FER1L6: variants seen among roughly 807,000 people sequenced by gnomAD.
FER1L6 encodes fer-1 like family member 6, also known as fer-1-like protein 6.
In FER1L6, 177 loss-of-function variants were observed where a neutral mutation model predicts 219.2. The observed-to-expected ratio is 0.81, with a 90% CI of 0.71 to 0.91. The LOEUF (loss-of-function observed/expected upper bound fraction) is 0.91, where lower values mean the gene tolerates loss of function less well. Among genes scored for constraint, FER1L6 ranks in the 40% least tolerant of loss-of-function variants. The pLI, the probability that FER1L6 is intolerant of heterozygous loss-of-function variation, is 0.00. For missense variants in FER1L6, 2,153 were observed against 2,259.9 expected, an observed-to-expected ratio of 0.95 and a Z score of 0.96; for synonymous variants, 768 against 824.3, an observed-to-expected ratio of 0.93 and a Z score of 1.17.
At chr8:124,074,096 T>C (rs1024704912) in intron 31 of FER1L6, among the ~76,000 whole-genome samples, 4 of 152,220 alleles carry the variant, frequency 2.6e-5, no homozygotes, top group African/African-American at 9.6e-5. Flanking sequence ...AGTTTCTCCA[T>C]CTTTTTGATA....
intron 1 of FER1L6, among the ~76,000 whole-genome samples, chr8:123,870,003 A>G (rs1816898689): frequency 6.6e-6 from 1 of 152,242 alleles, no homozygotes; most frequent in African/African-American, 2.4e-5. Context: ...ATCTACACAG[A>G]CATTATACAG....
chr8:124,001,060 C>T (rs900347754), intron 12 of FER1L6, among the ~76,000 whole-genome samples: 5 of 152,136 alleles, frequency 3.3e-5, no homozygotes, highest in Non-Finnish European at 7.4e-5. Context: ...CCTAAGAACA[C>T]ATGGTCATAC....
chr8:124,051,460 T>C (rs1820024415), intron 22 of FER1L6, among the ~76,000 whole-genome samples: 1 of 152,196 alleles, frequency 6.6e-6, no homozygotes, highest in Admixed American at 6.5e-5. Context: ...TATGGCCCTG[T>C]GTAAGCTACT....
intron 1 of FER1L6, among the ~76,000 whole-genome samples, chr8:123,935,774 T>A (rs1813962704): frequency 6.6e-6 from 1 of 152,150 alleles, no homozygotes; most frequent in Admixed American, 6.5e-5. Context: ...TTTACTCTGC[T>A]TCATGAGCAA....
chr8:124,097,406 A>C lies in FER1L6; in HGVS notation c.4784+47A>C, dbSNP rs369330438. The C allele has an allele frequency of 3.0e-6, 4 of 1,312,312 alleles. No individual in the cohort carries two copies. The South Asian group carries it at 3.6e-5, about 12-fold the overall frequency. The allele number at this position is 1,312,312 out of a possible 1,614,324, so 81.3% of individuals were successfully genotyped here. ...CTTCAGGGGAAGAGACCAGGGTAGC[A>C]GATGAAAGAATCATGACATTTTATC... is the stretch of plus-strand genomic sequence containing the variant. On this transcript the variant is annotated intron_variant, in intron 36 of 40. Coordinates refer to ENST00000522917, the MANE Select transcript of FER1L6 (RefSeq NM_001039112.2).
intron 15 of FER1L6, chr8:124,013,740 A>G (rs75504911): frequency 0.03 from 10,744 of 356,628 alleles, 1,016 homozygotes; most frequent in African/African-American, 0.21. Flanking sequence ...AATCAAAGGT[A>G]GGAAAAAGCA....
chr8:123,961,880 CTTTT>C (rs1295109025), intron 2 of FER1L6, among the ~76,000 whole-genome samples: 2 of 129,192 alleles, frequency 1.5e-5, no homozygotes, highest in Admixed American at 7.9e-5. Context: ...TGTTTGTTTT[CTTTT>C]TTTTTTTTTT....
intron 1 of FER1L6, among the ~76,000 whole-genome samples, chr8:123,892,278 A>G (rs1398716248): frequency 6.6e-6 from 1 of 152,048 alleles, no homozygotes; most frequent in Non-Finnish European, 1.5e-5. Flanking sequence ...AAAAAAGAGG[A>G]TGGAGGAAAG....
In FER1L6 at chr8:123,986,136, G is replaced by A. The variant is rs1416699856; in HGVS notation, c.1479G>A (p.Arg493=). ...GAFFEATMID[R]KIGDKPISFE... ...TTTTTGAAGCTACCATGATTGACCGGAAGATTGGAGATAAACCCATCAGCT... is the reference window on the plus strand; with the variant it reads ...TTTTTGAAGCTACCATGATTGACCGAAAGATTGGAGATAAACCCATCAGCT... The change falls in exon 12 of 41, where the codon CGG becomes CGA. Residue 493 remains arginine (R), a synonymous_variant. Coordinates refer to ENST00000522917, the MANE Select transcript of FER1L6 (RefSeq NM_001039112.2). 2 of 1,613,388 alleles carry A rather than the reference G, an allele frequency of 1.2e-6. No individual in the cohort carries two copies. Among genetic ancestry groups the A allele is most frequent in the African/African-American group, 2.7e-5 (2 of 74,890 alleles).
intron 1 of FER1L6, among the ~76,000 whole-genome samples, chr8:123,947,259 TATG>T (rs1377432418): frequency 2.5e-4 from 37 of 147,028 alleles, no homozygotes; most frequent in African/African-American, 9.2e-4. Flanking sequence ...AAAAAAAAGG[TATG>T]ATGATGAAGA....
At chr8:123,936,472 T>G (rs868128493) in intron 1 of FER1L6, among the ~76,000 whole-genome samples, 8,185 of 127,858 alleles carry the variant, frequency 0.064, 196 homozygotes, top group African/African-American at 0.097. Context: ...GTTTTTTTTT[T>G]TTTTTTTTTT....
At chr8:123,954,828 A>G (rs1814940925) in intron 1 of FER1L6, among the ~76,000 whole-genome samples, 2 of 152,176 alleles carry the variant, frequency 1.3e-5, no homozygotes, top group African/African-American at 4.8e-5. Context: ...TTCACGTTCA[A>G]GGCCCACAGA....
At chr8:123,964,739 T>C (rs1208604782) in intron 3 of FER1L6, among the ~76,000 whole-genome samples, 2 of 152,154 alleles carry the variant, frequency 1.3e-5, no homozygotes, top group Non-Finnish European at 2.9e-5. Context: ...TCTCCAGCAA[T>C]TGAAATTCTA....
intron 1 of FER1L6, among the ~76,000 whole-genome samples, chr8:123,890,855 A>T (rs1181960256): frequency 6.9e-6 from 1 of 145,774 alleles, no homozygotes; most frequent in Non-Finnish European, 1.5e-5. Flanking sequence ...TTTAAAAAGT[A>T]GGTGAGAATA....
At position 124,017,446 on chromosome 8, in the gene FER1L6, C is replaced by T. The variant is rs140330875; in HGVS notation, c.1923-182C>T. On this transcript the variant is annotated intron_variant, in intron 15 of 40. Coordinates refer to ENST00000522917, the MANE Select transcript of FER1L6 (RefSeq NM_001039112.2). The stretch of plus-strand genomic sequence containing the variant: ...TAATGTTGGGTCTGGGCATCATTTC[C>T]AGTTATCATTTTGTCTCTTGGAAAA... Among the ~76,000 whole-genome samples the T allele has an allele frequency of 1.4e-3, 208 of 152,204 alleles. 1 individual carries two copies. Among genetic ancestry groups the T allele is most frequent in the African/African-American group, 4.6e-3 (192 of 41,540 alleles).
chr8:124,097,734 C>A, intron 36 of FER1L6, 51 bp from the exon 37 acceptor site: 1 of 997,282 alleles, frequency 1.0e-6, no homozygotes, highest in Non-Finnish European at 1.6e-6. Context: ...CAGACACCAA[C>A]TGACTCAGCT....
intron 37 of FER1L6, among the ~76,000 whole-genome samples, chr8:124,099,327 C>G (rs1200265916): frequency 9.1e-6 from 1 of 109,414 alleles, no homozygotes; most frequent in Non-Finnish European, 2.0e-5. Flanking sequence ...AAGTCTAAAA[C>G]CAAAACAATC....
At chr8:123,854,440 A>T (rs899665752) in intron 1 of FER1L6, among the ~76,000 whole-genome samples, 2 of 152,078 alleles carry the variant, frequency 1.3e-5, no homozygotes, top group African/African-American at 2.4e-5. Flanking sequence ...TTCATCTCGG[A>T]TCTCTGCTGT....
At chr8:123,938,641 G>T (rs1182067169) in intron 1 of FER1L6, among the ~76,000 whole-genome samples, 1 of 150,784 alleles carries the variant, frequency 6.6e-6, no homozygotes, top group South Asian at 2.1e-4. Context: ...CCACCTCCCG[G>T]GTTTATGCAA....
Sources: gnomAD v4.1 joint callset for allele counts (sites outside exome capture counted in the v4.1 genomes callset) on GRCh38, gnomAD v4.1.1 for gene constraint, MANE v1.5 for transcripts, NCBI Gene and HGNC (gene_info 2026-07-23, HGNC 2026-07-21) for gene names.